KLC1: variants seen among roughly 807,000 people sequenced by gnomAD.
KLC1 encodes kinesin 2 60/70kDa.
Under a neutral mutation model 84.2 loss-of-function variants are expected in KLC1, and 30 were observed. The observed-to-expected ratio is 0.36, with a 90% CI of 0.27 to 0.48. KLC1 has a LOEUF of 0.48. KLC1 is among the 20% of genes least tolerant of loss of function. KLC1 has a pLI of 0.99. For missense variants in KLC1, 499 were observed against 805.4 expected (o/e 0.62, Z 4.60); for synonymous variants, 289 against 293.3 (o/e 0.99, Z 0.15).
At chr14:103,659,317 T>C in intron 3 of KLC1, among the ~76,000 whole-genome samples, 1 of 152,374 alleles carries the variant, frequency 6.6e-6, no homozygotes, top group Non-Finnish European at 1.5e-5. Flanking sequence ...TATTTTATTT[T>C]ACTTATTTTT....
Position 103,654,705 on chromosome 14 carries a change from A to G in KLC1, c.141A>G (p.Gln47=), listed in dbSNP as rs771287599. 1.2e-6 allele frequency: 2 copies of G among 1,614,216 alleles called. No individual in the cohort carries two copies. Among genetic ancestry groups the G allele is most frequent in the Non-Finnish European group, 1.7e-6 (2 of 1,180,042 alleles). ...AGAATGAGCACAATTCCATTTTACA[A>G]AGTTTGCTGGAGACACTGAAGTGTT... ...ALKNEHNSIL[Q]SLLETLKCLK... The change falls in exon 2 of 17, where the codon CAA becomes CAG. Residue 47 remains glutamine (Q), a synonymous_variant. Coordinates refer to ENST00000334553, the MANE Select transcript of KLC1 (RefSeq NM_001394837.1).
chr14:103,694,973 C>T lies in KLC1; in HGVS notation c.1848+2548C>T, dbSNP rs2151870362. The T allele has an allele frequency of 1.0e-6, 1 of 985,434 alleles. No homozygotes were observed. The highest frequency in any genetic ancestry group is 1.2e-6 in the Non-Finnish European group (1 of 829,930). The allele number at this position is 985,434 out of a possible 1,614,324, so 61.0% of individuals were successfully genotyped here. On this transcript the variant is annotated intron_variant, in intron 15 of 16. Coordinates refer to ENST00000334553, the MANE Select transcript of KLC1 (RefSeq NM_001394837.1). This position sits in a 1 kb window ranked among gnomAD's most constrained non-coding sequence, Gnocchi z 4.5. Reference sequence around the variant, plus strand: ...GCGGGTGCCTGGCCCAGGAGCTGCCCTGTGGAGCCAGCGTTGTCCCCGAGC... The same window carrying T: ...GCGGGTGCCTGGCCCAGGAGCTGCCTTGTGGAGCCAGCGTTGTCCCCGAGC...
At chr14:103,667,362 C>T (rs890293370) in intron 5 of KLC1, among the ~76,000 whole-genome samples, 2 of 152,198 alleles carry the variant, frequency 1.3e-5, no homozygotes, top group Non-Finnish European at 2.9e-5. Context: ...CCGCCTCAGC[C>T]TCCCAGAGTG....
chr14:103,631,335 C>T (rs2076671065), intron 1 of KLC1, among the ~76,000 whole-genome samples: 1 of 152,176 alleles, frequency 6.6e-6, no homozygotes, highest in South Asian at 2.1e-4. Flanking sequence ...CCACCTCGGC[C>T]TCCCAAAGTG....
chr14:103,642,130 A>G (rs1018718645), intron 1 of KLC1, among the ~76,000 whole-genome samples: 2 of 152,084 alleles, frequency 1.3e-5, no homozygotes, highest in Admixed American at 1.3e-4. Context: ...GGGTTTCACC[A>G]TATTGACTAG....
intron 3 of KLC1, 145 bp from the exon 4 acceptor site, chr14:103,661,971 A>C (rs550748697): frequency 3.2e-6 from 2 of 627,658 alleles, no homozygotes. Flanking sequence ...GATAAGCCAG[A>C]TTGTCGGCGA....
rs1196590451 is a variant in KLC1 at position 103,671,203 on chromosome 14, A to G, written c.987+920A>G. On this transcript the variant is annotated intron_variant, in intron 7 of 16. Transcript: ENST00000334553. Reference sequence around the variant, plus strand: ...TATAACTAAAGATTAACTCAGAGCTATAGATTAAGTCAATGTCATATATAT... The same window carrying G: ...TATAACTAAAGATTAACTCAGAGCTGTAGATTAAGTCAATGTCATATATAT... Among the ~76,000 whole-genome samples, 4 of 152,184 alleles carry G rather than the reference A, an allele frequency of 2.6e-5. No homozygotes were observed. In the South Asian group the frequency reaches 6.2e-4, roughly 24 times the overall value.
intron 12 of KLC1, among the ~76,000 whole-genome samples, chr14:103,678,072 C>A (rs963935649): frequency 6.6e-6 from 1 of 151,636 alleles, no homozygotes; most frequent in African/African-American, 2.4e-5. Context: ...GTCAGGAGTT[C>A]GAGACCAGCC....
intron 13 of KLC1, chr14:103,683,746 C>CCTCTCTCCGTCTTGCCATT (rs1356914585): frequency 1.3e-5 from 2 of 152,292 alleles, no homozygotes; most frequent in Non-Finnish European, 2.9e-5. Flanking sequence ...TCTGAAGCAG[C>CCTCTCTCCGTCTTGCCATT]CTCTCTCCGT....
chr14:103,688,062 A>T (rs1317782182), intron 14 of KLC1: 1 of 152,216 alleles, frequency 6.6e-6, no homozygotes, highest in Non-Finnish European at 1.5e-5. Flanking sequence ...AAGTCTGATC[A>T]CCTCAGGATG....
At chr14:103,642,888 C>G (rs1176191926) in intron 1 of KLC1, among the ~76,000 whole-genome samples, 1 of 151,718 alleles carries the variant, frequency 6.6e-6, no homozygotes, top group Non-Finnish European at 1.5e-5. Flanking sequence ...CCTGTCTCAG[C>G]CTCCTGAGTT....
intron 15 of KLC1, chr14:103,698,474 G>A (rs1344232983): frequency 1.5e-5 from 6 of 392,862 alleles, no homozygotes; most frequent in South Asian, 9.5e-5. Flanking sequence ...AGAAGCAGGC[G>A]GCTCCCAGGG....
intron 7 of KLC1, among the ~76,000 whole-genome samples, chr14:103,671,973 G>C (rs796702129): frequency 6.6e-5 from 10 of 152,226 alleles, no homozygotes; most frequent in African/African-American, 2.4e-4. Flanking sequence ...CATTCATTTA[G>C]AGCCCCCTGC....
intron 1 of KLC1, among the ~76,000 whole-genome samples, chr14:103,631,077 C>G (rs977766117): frequency 3.3e-5 from 5 of 150,936 alleles, no homozygotes; most frequent in Non-Finnish European, 7.4e-5. Context: ...GTCGTTTAAA[C>G]TTACACATTT....
intron 5 of KLC1, among the ~76,000 whole-genome samples, chr14:103,663,239 C>T (rs1158632965): frequency 6.6e-6 from 1 of 152,074 alleles, no homozygotes; most frequent in Non-Finnish European, 1.5e-5. Flanking sequence ...GCCACCATGC[C>T]TGGCTAATTT....
rs946892519 is a variant in KLC1, at chr14:103,695,620, A to G, written c.1848+3195A>G. On this transcript the variant is annotated intron_variant, in intron 15 of 16. Transcript: ENST00000334553. Reference sequence around the variant, plus strand: ...CAGTTATCTGGAAAGGAAAAAGGGCATTTAGAAGGAATAAACATAGGGCTG... The same window carrying G: ...CAGTTATCTGGAAAGGAAAAAGGGCGTTTAGAAGGAATAAACATAGGGCTG... The G allele has an allele frequency of 4.1e-6, 4 of 985,310 alleles. No homozygotes were observed. The African/African-American group carries it at 7.0e-5, about 17-fold the overall frequency. The allele number at this position is 985,310 out of a possible 1,614,324, so 61.0% of individuals were successfully genotyped here.
At chr14:103,664,174 C>T (rs905787955) in intron 5 of KLC1, among the ~76,000 whole-genome samples, 8 of 151,986 alleles carry the variant, frequency 5.3e-5, no homozygotes, top group African/African-American at 1.9e-4. Flanking sequence ...TTTTTTGAGA[C>T]AGAGTCTGGC....
At chr14:103,665,625 C>G (rs1372418223) in intron 5 of KLC1, among the ~76,000 whole-genome samples, 1 of 151,806 alleles carries the variant, frequency 6.6e-6, no homozygotes, top group East Asian at 1.9e-4. Flanking sequence ...TTAGTAGAGA[C>G]AGTGTTTTGT....
At chr14:103,673,475 G>A (rs765584190) in intron 9 of KLC1, 44 bp downstream of exon 9, 3 of 1,240,060 alleles carry the variant, frequency 2.4e-6, no homozygotes, top group South Asian at 2.6e-5. Context: ...ATTGTATAAT[G>A]ACTTGACTAA....
Sources: gnomAD v4.1 joint callset for allele counts (sites outside exome capture counted in the v4.1 genomes callset) on GRCh38, gnomAD v4.1.1 for gene constraint, Gnocchi (gnomAD v3.1) non-coding constraint, MANE v1.5 for transcripts, NCBI Gene and HGNC (gene_info 2026-07-23, HGNC 2026-07-21) for gene names.